TARBP2: variants seen among roughly 807,000 people sequenced by gnomAD.
TARBP2 encodes TARBP2 subunit of RISC loading complex.
A neutral mutation model predicts 40.4 loss-of-function variants in TARBP2; 23 were observed. That is an observed-to-expected ratio of 0.57 (90% confidence interval 0.41 to 0.81). The LOEUF is 0.81. TARBP2 is among the 30% of genes least tolerant of loss of function. The pLI, the probability that TARBP2 is intolerant of heterozygous loss-of-function variation, is 0.00. For synonymous variants in TARBP2, 183 were observed against 190.5 expected, an observed-to-expected ratio of 0.96 and a Z score of 0.32; for missense variants, 358 against 473.7, an observed-to-expected ratio of 0.76 and a Z score of 2.27.
At chr12:53,501,927 A>G in intron 1 of TARBP2, 88 bp from the exon 2 acceptor site, 1 of 1,549,224 alleles carries the variant, frequency 6.5e-7, no homozygotes. Context: ...TATGTCCCCC[A>G]TAATGTGCCT....
intron 6 of TARBP2, 37 bp downstream of exon 6, chr12:53,504,852 C>T: frequency 6.2e-7 from 1 of 1,607,388 alleles, no homozygotes; most frequent in Non-Finnish European, 8.5e-7. Flanking sequence ...AACTCCTCTC[C>T]CGCAGCACTC....
intron 4 of TARBP2, chr12:53,504,052 C>T (rs1314216816): frequency 5.1e-6 from 3 of 588,658 alleles, no homozygotes; most frequent in East Asian, 5.6e-5. Flanking sequence ...TTGCAGGCCC[C>T]ATTTTCTTCT....
At chr12:53,501,509 T>C (rs1195338716) in intron 1 of TARBP2, 48 bp downstream of exon 1, 2 of 1,551,432 alleles carry the variant, frequency 1.3e-6, no homozygotes, top group Middle Eastern at 1.7e-4. Context: ...CGTGGGGCCG[T>C]GCGGAGGGAG....
At chr12:53,503,195 G>T in intron 3 of TARBP2, 66 bp downstream of exon 3, 1 of 1,473,552 alleles carries the variant, frequency 6.8e-7, no homozygotes, top group South Asian at 1.4e-5. Flanking sequence ...CACCCACTCT[G>T]CCCCGAGGCC....
chr12:53,505,719 C>T lies in TARBP2; in HGVS notation c.812C>T (p.Ser271Leu). The change falls in exon 8 of 9, where the codon TCA becomes TTA. Residue 271 changes from serine to leucine, a missense_variant. By Grantham distance (145) the Ser-to-Leu change is moderately radical. This residue lies in a region of TARBP2 where 317 missense variants were observed against 422.9 expected (regional missense o/e 0.75). Transcript: ENST00000266987. This position sits in a 1 kb window ranked among gnomAD's most constrained non-coding sequence, Gnocchi z 4.5. The stretch of plus-strand genomic sequence containing the variant: ...TGCACCTGGGATTCTCTACGAAATT[C>T]AGTAGGAGAGAAGATCCTGTCCCTC... Reference protein sequence around the residue: ...PGCTWDSLRNSVGEKILSLRS... With the variant: ...PGCTWDSLRNLVGEKILSLRS... The T allele has an allele frequency of 6.2e-7, 1 of 1,614,100 alleles. No homozygotes were observed. The highest frequency in any genetic ancestry group is 8.5e-7 in the Non-Finnish European group (1 of 1,179,996).
At chr12:53,501,273 T>C (rs767084485), upstream of TARBP2, 8 of 890,050 alleles carry the variant, frequency 9.0e-6, no homozygotes, top group Non-Finnish European at 1.2e-5. Flanking sequence ...GGCGGGGGAC[T>C]CCATATCCCA....
At chr12:53,501,904 G>A (rs1943730269) in intron 1 of TARBP2, 111 bp from the exon 2 acceptor site, 1 of 1,488,726 alleles carries the variant, frequency 6.7e-7, no homozygotes, top group Non-Finnish European at 9.0e-7. Flanking sequence ...ACTGTCTGGG[G>A]TTCCTTGGAC....
chr12:53,505,462 TGAGGAGG>T lies in TARBP2; in HGVS notation c.742-184_742-178del, dbSNP rs1249546796. On this transcript the variant is annotated intron_variant, in intron 7 of 8. Transcript: ENST00000266987. This position sits in a 1 kb window ranked among gnomAD's most constrained non-coding sequence, Gnocchi z 4.5. ...CCGCTCTGTAGCTCTGTTACTGGGGTGAGGAGGGATCCCTGGCCATCTGGCCCAGGGC... is the reference window on the plus strand; with the variant it reads ...CCGCTCTGTAGCTCTGTTACTGGGGTGATCCCTGGCCATCTGGCCCAGGGC... Among the ~76,000 whole-genome samples the T allele has an allele frequency of 6.6e-6, 1 of 151,950 alleles. No homozygotes were observed. Among genetic ancestry groups the T allele is most frequent in the Non-Finnish European group, 1.5e-5 (1 of 67,952 alleles).
rs1310399182 is a variant in TARBP2, at chr12:53,505,614, T to C, written c.742-35T>C. ...CTCAATGCCTGGGTCCCACAGTCTC[T>C]CGCTTCATCTTTCTCACTGTTCCCA... is the stretch of plus-strand genomic sequence containing the variant. On this transcript the variant is annotated intron_variant, in intron 7 of 8. Coordinates refer to ENST00000266987, the MANE Select transcript of TARBP2 (RefSeq NM_134323.2). The surrounding 1 kb of genome is among the most constrained non-coding windows in gnomAD (Gnocchi z 4.5). 1 of 1,593,880 alleles carries C rather than the reference T, an allele frequency of 6.3e-7. No homozygotes were observed. Among genetic ancestry groups the C allele is most frequent in the East Asian group, 2.2e-5 (1 of 44,690 alleles).
chr12:53,505,398 C>T lies in TARBP2; in HGVS notation c.741+136C>T, dbSNP rs1943926577. ...CTTCTGCCACAGTTTTCCTACCAGA[C>T]CCAGGGTTCCTGGGGCCGACTCAGC... On this transcript the variant is annotated intron_variant, in intron 7 of 8. Transcript: ENST00000266987. This position sits in a 1 kb window ranked among gnomAD's most constrained non-coding sequence, Gnocchi z 4.5. The T allele has an allele frequency of 7.3e-7, 1 of 1,376,388 alleles. No individual in the cohort carries two copies. Among genetic ancestry groups the T allele is most frequent in the Non-Finnish European group, 9.7e-7 (1 of 1,028,756 alleles). The allele number at this position is 1,376,388 out of a possible 1,614,324, so 85.3% of individuals were successfully genotyped here. A position where few individuals can be genotyped will look rare whatever the true frequency, so the allele number is the denominator to read the frequency against.
chr12:53,503,615 C>A, intron 3 of TARBP2, 98 bp from the exon 4 acceptor site: 1 of 850,224 alleles, frequency 1.2e-6, no homozygotes, highest in East Asian at 2.4e-5. Flanking sequence ...TTTGGAAGTT[C>A]TCTTAGGGGA....
intron 5 of TARBP2, 89 bp downstream of exon 5, chr12:53,504,558 C>A: frequency 6.3e-7 from 1 of 1,599,704 alleles, no homozygotes. Context: ...GGGGTGGGGG[C>A]GGTTCCTTGT....
rs1394126767 is a variant in TARBP2 at position 53,505,056 on chromosome 12, C to T, written c.614-79C>T. On this transcript the variant is annotated intron_variant, in intron 6 of 8. Transcript: ENST00000266987. The surrounding 1 kb of genome is among the most constrained non-coding windows in gnomAD (Gnocchi z 4.5). ...TTTCCAGTTGACATTCTGGGGGGAC[C>T]CTCAATCCAAGTATGACCTGGGTGG... is the stretch of plus-strand genomic sequence containing the variant. 2.6e-6 allele frequency: 4 copies of T among 1,536,362 alleles called. No homozygotes were observed. In the South Asian group the frequency reaches 3.8e-5, roughly 15 times the overall value.
In TARBP2 at chr12:53,505,201, C is replaced by A. The variant is rs765847634; in HGVS notation, c.680C>A (p.Thr227Lys). The change falls in exon 7 of 9, where the codon ACG (threonine) becomes AAG (lysine). Residue 227 changes from threonine (T) to lysine (K), a missense_variant. Thr to Lys is a moderately conservative substitution (Grantham distance 78). Coordinates refer to ENST00000266987, the MANE Select transcript of TARBP2 (RefSeq NM_134323.2). The surrounding 1 kb of genome is among the most constrained non-coding windows in gnomAD (Gnocchi z 4.5). ...GCCAAAATGCTGCTTCGAGTGCACA[C>A]GGTGCCTCTGGATGCCCGGGATGGC... ...AAAKMLLRVH[T>K]VPLDARDGNE... 1 of 1,611,204 alleles carries A rather than the reference C, an allele frequency of 6.2e-7. No homozygotes were observed. The highest frequency in any genetic ancestry group is 8.5e-7 in the Non-Finnish European group (1 of 1,177,556).
chr12:53,504,248 C>T (rs769076083), intron 4 of TARBP2, 149 bp from the exon 5 acceptor site: 5 of 701,500 alleles, frequency 7.1e-6, no homozygotes, highest in Non-Finnish European at 1.2e-5. Flanking sequence ...GCAGGAGGAG[C>T]AGGCTAGATG....
Position 53,503,715 on chromosome 12 carries a change from C to G in TARBP2, c.329C>G (p.Ser110Cys). The part of the protein sequence containing the change: ...MLEPALEDSS[S>C]FSPLDSSLPE... ...AAGGCCCCCTTCCCCTCGGGAAGTT[C>G]TTTTTCTCCCCTAGACTCTTCACTG... The change falls in exon 4 of 9, where the codon TCT (serine) becomes TGT (cysteine). Residue 110 changes from serine to cysteine, a missense_variant and splice_region_variant. Coordinates refer to ENST00000266987, the MANE Select transcript of TARBP2 (RefSeq NM_134323.2). 1 of 1,613,780 alleles carries G rather than the reference C, an allele frequency of 6.2e-7. No individual in the cohort carries two copies. The highest frequency in any genetic ancestry group is 8.5e-7 in the Non-Finnish European group (1 of 1,179,684).
Position 53,502,078 on chromosome 12 carries a change from G to C in TARBP2, c.117G>C (p.Gly39=). The C allele has an allele frequency of 6.2e-7, 1 of 1,614,230 alleles. No individual in the cohort carries two copies. Among genetic ancestry groups the C allele is most frequent in the Non-Finnish European group, 8.5e-7 (1 of 1,180,052 alleles). ...CGATCAGCCTTCTGCAGGAGTATGG[G>C]ACCAGAATAGGGAAGACGCCTGTGT... is the stretch of plus-strand genomic sequence containing the variant. The part of the protein sequence containing the change: ...KTPISLLQEY[G]TRIGKTPVYD... The change falls in exon 2 of 9, where the codon GGG becomes GGC. Residue 39 remains glycine, a synonymous_variant. Coordinates refer to ENST00000266987, the MANE Select transcript of TARBP2 (RefSeq NM_134323.2).
chr12:53,506,363 G>A lies in TARBP2; in HGVS notation c.*215G>A. 1 of 592,208 alleles carries A rather than the reference G, an allele frequency of 1.7e-6. No individual in the cohort carries two copies. The highest frequency in any genetic ancestry group is 3.1e-5 in the Admixed American group (1 of 32,464). 36.7% of individuals were successfully genotyped at this position (592,208 alleles called of 1,614,324 possible). Reference sequence around the variant, plus strand: ...CCGTCCTCATTTTATTGGTGATGATGAATGGGAATGAAATCAGGGGGCTGT... The same window carrying A: ...CCGTCCTCATTTTATTGGTGATGATAAATGGGAATGAAATCAGGGGGCTGT... On this transcript the variant is annotated 3_prime_UTR_variant, in exon 9 of 9. Coordinates refer to ENST00000266987, the MANE Select transcript of TARBP2 (RefSeq NM_134323.2).
chr12:53,505,247 T>G lies in TARBP2; in HGVS notation c.726T>G (p.Asp242Glu). The G allele has an allele frequency of 6.2e-7, 1 of 1,600,716 alleles. No homozygotes were observed. Among genetic ancestry groups the G allele is most frequent in the Non-Finnish European group, 8.6e-7 (1 of 1,169,506 alleles). ...ATGGCAATGAGGTGGAGCCTGATGATGACCACTTCTCCATTGTGAGTGGCT... is the reference window on the plus strand; with the variant it reads ...ATGGCAATGAGGTGGAGCCTGATGAGGACCACTTCTCCATTGTGAGTGGCT... ...ARDGNEVEPD[D>E]DHFSIGVGSR... The change falls in exon 7 of 9, where the codon GAT (aspartate) becomes GAG (glutamate). Residue 242 changes from aspartate to glutamate, a missense_variant. Physicochemically the swap from Asp to Glu is conservative, Grantham distance 45 (BLOSUM62 2). Coordinates refer to ENST00000266987, the MANE Select transcript of TARBP2 (RefSeq NM_134323.2). The surrounding 1 kb of genome is among the most constrained non-coding windows in gnomAD (Gnocchi z 4.5).
Sources: allele counts gnomAD v4.1 joint callset (sites outside exome capture counted in the v4.1 genomes callset), GRCh38; gene constraint gnomAD v4.1.1; regional missense constraint gnomAD v4.1.1; non-coding constraint Gnocchi (gnomAD v3.1); transcripts MANE v1.5; gene names NCBI Gene and HGNC (gene_info 2026-07-23, HGNC 2026-07-21).